Variants in FSTL5 observed in about 807,000 individuals in gnomAD.
FSTL5 encodes follistatin like 5.
In FSTL5, 62 loss-of-function variants were observed where a neutral mutation model predicts 89.1. That is an observed-to-expected ratio of 0.70 (90% CI 0.57 to 0.86). The LOEUF is 0.86. Ranked by LOEUF, FSTL5 falls within the 40% of genes least tolerant of loss-of-function variation. The pLI, the probability that FSTL5 is intolerant of heterozygous loss-of-function variation, is 0.00. For missense variants in FSTL5, 1,057 were observed against 1,001.6 expected, an observed-to-expected ratio of 1.06 and a Z score of -0.75; for synonymous variants, 383 against 346.2, an observed-to-expected ratio of 1.11 and a Z score of -1.18.
chr4:161,498,045 T>C (rs74573217), intron 12 of FSTL5, among the ~76,000 whole-genome samples: 29,726 of 151,586 alleles, frequency 0.2, 3,757 homozygotes, highest in Non-Finnish European at 0.28. Flanking sequence ...TACATCACAT[T>C]GCTTTGTCCT....
At chr4:161,878,735 T>C (rs1732530176) in intron 4 of FSTL5, among the ~76,000 whole-genome samples, 1 of 152,156 alleles carries the variant, frequency 6.6e-6, no homozygotes, top group Admixed American at 6.5e-5. Context: ...TATATTAGTG[T>C]TCCTGAAAAG....
chr4:162,143,824 A>C (rs1345208244), intron 1 of FSTL5, among the ~76,000 whole-genome samples: 1 of 89,162 alleles, frequency 1.1e-5, no homozygotes, highest in Non-Finnish European at 2.7e-5. Context: ...ACACACATAC[A>C]AACACACACG....
At chr4:161,726,047 A>C (rs946509336) in intron 6 of FSTL5, among the ~76,000 whole-genome samples, 1 of 152,102 alleles carries the variant, frequency 6.6e-6, no homozygotes, top group African/African-American at 2.4e-5. Context: ...ACGGTAAAAA[A>C]GCTGGTGAGG....
At chr4:161,839,589 A>G (rs113802517) in intron 4 of FSTL5, among the ~76,000 whole-genome samples, 72 of 152,352 alleles carry the variant, frequency 4.7e-4, no homozygotes, top group Middle Eastern at 3.4e-3. Flanking sequence ...ATTAAATAAA[A>G]TAATTCTGAC....
chr4:161,879,794 C>T (rs558483880), intron 4 of FSTL5, among the ~76,000 whole-genome samples: 1 of 152,306 alleles, frequency 6.6e-6, no homozygotes, highest in Admixed American at 6.5e-5. Flanking sequence ...CCTCCTCCAA[C>T]CCTGGGACAC....
At chr4:162,034,401 T>C (rs73861038) in intron 2 of FSTL5, among the ~76,000 whole-genome samples, 57,710 of 151,916 alleles carry the variant, frequency 0.38, 11,213 homozygotes, top group Middle Eastern at 0.54. Context: ...ACTTTTCAAC[T>C]GTCTTTGCTT....
chr4:161,438,768 C>A (rs998800521), intron 15 of FSTL5, among the ~76,000 whole-genome samples: 1 of 151,834 alleles, frequency 6.6e-6, no homozygotes, highest in Non-Finnish European at 1.5e-5. Context: ...AATTTTTTTA[C>A]AAACTAACTA....
chr4:161,797,325 AT>A (rs1275787831), intron 4 of FSTL5, among the ~76,000 whole-genome samples: 1 of 151,636 alleles, frequency 6.6e-6, no homozygotes, highest in Non-Finnish European at 1.5e-5. Context: ...GAAGATTCAT[AT>A]TAAGCATGTT....
chr4:161,582,159 CTT>C (rs1733457840), intron 8 of FSTL5, among the ~76,000 whole-genome samples: 1 of 152,180 alleles, frequency 6.6e-6, no homozygotes, highest in Non-Finnish European at 1.5e-5. Flanking sequence ...CAAAAAGACT[CTT>C]TTACAAATTC....
intron 3 of FSTL5, among the ~76,000 whole-genome samples, chr4:162,011,812 T>C (rs1237664539): frequency 6.6e-6 from 1 of 152,030 alleles, no homozygotes; most frequent in Non-Finnish European, 1.5e-5. Context: ...TTTACTCTGT[T>C]AACCCTTACA....
intron 1 of FSTL5, among the ~76,000 whole-genome samples, chr4:162,113,250 C>A (rs1343331237): frequency 1.3e-5 from 2 of 152,184 alleles, no homozygotes; most frequent in Non-Finnish European, 2.9e-5. Flanking sequence ...CATCTGTGTA[C>A]TTAAACCAGA....
chr4:161,768,255 A>G (rs1003132348), intron 5 of FSTL5, among the ~76,000 whole-genome samples: 32 of 152,084 alleles, frequency 2.1e-4, no homozygotes, highest in Admixed American at 5.9e-4. Context: ...ATTAATCTTG[A>G]TATTGTTATT....
At chr4:161,909,232 C>G (rs1733622990) in intron 4 of FSTL5, among the ~76,000 whole-genome samples, 1 of 152,104 alleles carries the variant, frequency 6.6e-6, no homozygotes, top group Non-Finnish European at 1.5e-5. Flanking sequence ...CCACCAGGAG[C>G]TCTGTGGATC....
At chr4:161,801,425 G>A (rs1386151415) in intron 4 of FSTL5, among the ~76,000 whole-genome samples, 1 of 151,314 alleles carries the variant, frequency 6.6e-6, no homozygotes, top group Non-Finnish European at 1.5e-5. Context: ...CATGTGGTCT[G>A]GGATTTTCTT....
chr4:161,613,371 AC>A (rs2126637555), intron 7 of FSTL5, among the ~76,000 whole-genome samples: 1 of 151,310 alleles, frequency 6.6e-6, no homozygotes. Flanking sequence ...AATTGCTTGA[AC>A]CCAGGAGGCG....
chr4:162,063,119 C>T (rs1357699847), intron 2 of FSTL5, among the ~76,000 whole-genome samples: 5 of 151,658 alleles, frequency 3.3e-5, no homozygotes, highest in African/African-American at 1.2e-4. Context: ...TTCATAGGTC[C>T]CTAGCCCTTC....
chr4:161,509,334 T>C (rs1294020716), intron 11 of FSTL5, among the ~76,000 whole-genome samples: 1 of 152,084 alleles, frequency 6.6e-6, no homozygotes, highest in East Asian at 1.9e-4. Context: ...AAGTAAGTAC[T>C]GATATGTCAA....
chr4:161,570,973 G>T (rs999225150), intron 8 of FSTL5, among the ~76,000 whole-genome samples: 4 of 151,932 alleles, frequency 2.6e-5, no homozygotes, highest in African/African-American at 9.7e-5. Context: ...AATTAGCCAG[G>T]CGTGGTGGTG....
chr4:161,493,535 G>A (rs76277342), intron 12 of FSTL5, among the ~76,000 whole-genome samples: 1 of 151,810 alleles, frequency 6.6e-6, no homozygotes, highest in African/African-American at 2.4e-5. Flanking sequence ...TAGATGAAAA[G>A]ACTAAGTATT....
Sources: allele counts gnomAD v4.1 joint callset (sites outside exome capture counted in the v4.1 genomes callset), GRCh38; gene constraint gnomAD v4.1.1; transcripts MANE v1.5; gene names NCBI Gene and HGNC (gene_info 2026-07-23, HGNC 2026-07-21).